Variants in ANKRD44 observed in about 807,000 individuals in gnomAD.
ANKRD44 encodes ankyrin repeat domain 44.
In ANKRD44, 35 loss-of-function variants were observed where a neutral mutation model predicts 116.0. The observed-to-expected ratio is 0.30, with a 90% confidence interval of 0.23 to 0.40. The LOEUF (loss-of-function observed/expected upper bound fraction) is 0.40, where lower values mean the gene tolerates loss of function less well. Among genes scored for constraint, ANKRD44 ranks in the 10% least tolerant of loss-of-function variants. The pLI, the probability that ANKRD44 is intolerant of heterozygous loss-of-function variation, is 1.00. For missense variants in ANKRD44, 1,014 were observed against 1,242.6 expected (o/e 0.82, Z 2.77); for synonymous variants, 435 against 461.8 (o/e 0.94, Z 0.74).
intron 1 of ANKRD44, among the ~76,000 whole-genome samples, chr2:197,218,338 A>T (rs1364136178): frequency 6.6e-6 from 1 of 152,152 alleles, no homozygotes; most frequent in Non-Finnish European, 1.5e-5. Context: ...ACACCCCTCC[A>T]TTCTCCAGGG....
At chr2:196,973,076 C>G (rs1265003128) in intron 21 of ANKRD44, among the ~76,000 whole-genome samples, 1 of 152,174 alleles carries the variant, frequency 6.6e-6, no homozygotes, top group Non-Finnish European at 1.5e-5. Context: ...ATACCCACTA[C>G]CACTGTAGGA....
At chr2:197,146,563 A>G in intron 3 of ANKRD44, among the ~76,000 whole-genome samples, 2 of 151,360 alleles carry the variant, frequency 1.3e-5, no homozygotes, top group African/African-American at 4.9e-5. Flanking sequence ...GCATGTATAT[A>G]TAGAGAGAGA....
rs2075857213 is a variant in ANKRD44, at chr2:196,987,969, GAA to G, written c.*1620_*1621del. 4 of 985,202 alleles carry G rather than the reference GAA, an allele frequency of 4.1e-6. No individual in the cohort carries two copies. The African/African-American group carries it at 7.0e-5, about 17-fold the overall frequency. 61.0% of individuals were successfully genotyped at this position (985,202 alleles called of 1,614,324 possible). On this transcript the variant is annotated 3_prime_UTR_variant, in exon 28 of 28. Transcript: ENST00000282272. ...TTTGCCTTGGGGTATGGGAGAAAGA[GAA>G]AGAGAGGAAGAGAGAGAGAGAGAGA...
At chr2:197,126,254 C>T (rs180902992) in intron 4 of ANKRD44, among the ~76,000 whole-genome samples, 85 of 152,248 alleles carry the variant, frequency 5.6e-4, no homozygotes, top group Middle Eastern at 3.4e-3. Context: ...CCAAGAGCCC[C>T]GGCACATCTC....
chr2:197,182,724 G>C (rs2080541625), intron 2 of ANKRD44, among the ~76,000 whole-genome samples: 1 of 152,168 alleles, frequency 6.6e-6, no homozygotes, highest in Non-Finnish European at 1.5e-5. Flanking sequence ...TGAAAAGTCA[G>C]CCCTCCCTGT....
At chr2:197,227,169 A>AT (rs1384744202) in intron 1 of ANKRD44, among the ~76,000 whole-genome samples, 1 of 152,258 alleles carries the variant, frequency 6.6e-6, no homozygotes, top group Non-Finnish European at 1.5e-5. Flanking sequence ...AAAGGAAATA[A>AT]TAACAACCTC....
At chr2:196,992,448 T>C (rs1311134409) in intron 27 of ANKRD44, among the ~76,000 whole-genome samples, 1 of 152,196 alleles carries the variant, frequency 6.6e-6, no homozygotes, top group Non-Finnish European at 1.5e-5. Flanking sequence ...AACCCAGGGC[T>C]CTTGTTCCTA....
chr2:197,006,599 T>A (rs1325847280), intron 20 of ANKRD44, among the ~76,000 whole-genome samples: 1 of 152,222 alleles, frequency 6.6e-6, no homozygotes, highest in Non-Finnish European at 1.5e-5. Flanking sequence ...AATAACAACT[T>A]CAGAGGACGT....
At chr2:196,975,833 GAAA>G (rs2075756532) in intron 21 of ANKRD44, among the ~76,000 whole-genome samples, 2 of 145,362 alleles carry the variant, frequency 1.4e-5, no homozygotes, top group African/African-American at 2.5e-5. Flanking sequence ...AAGAAAGAAA[GAAA>G]GAAAGAAGGA....
At chr2:197,020,438 C>T (rs1215901699) in intron 17 of ANKRD44, among the ~76,000 whole-genome samples, 3 of 152,206 alleles carry the variant, frequency 2.0e-5, no homozygotes, top group African/African-American at 7.2e-5. Context: ...CTTCCCTGGG[C>T]CACGTTGGAA....
At chr2:197,019,606 A>C (rs1030671576) in intron 17 of ANKRD44, among the ~76,000 whole-genome samples, 2 of 152,180 alleles carry the variant, frequency 1.3e-5, no homozygotes, top group Admixed American at 1.3e-4. Context: ...CCAGAGCCCA[A>C]GCTGTGAGGC....
intron 1 of ANKRD44, among the ~76,000 whole-genome samples, chr2:197,192,520 T>C (rs1468662161): frequency 6.6e-6 from 1 of 152,218 alleles, no homozygotes. Flanking sequence ...GAGTGTGTTA[T>C]CAGTAGCTGA....
At chr2:196,974,889 CAA>C (rs373485155) in intron 21 of ANKRD44, among the ~76,000 whole-genome samples, 2 of 125,114 alleles carry the variant, frequency 1.6e-5, no homozygotes, top group Admixed American at 8.3e-5. Flanking sequence ...GACTCCATCT[CAA>C]AAAAAAAAAG....
intron 1 of ANKRD44, among the ~76,000 whole-genome samples, chr2:197,197,318 C>CA (rs1025002898): frequency 5.3e-5 from 8 of 149,984 alleles, no homozygotes; most frequent in Non-Finnish European, 7.4e-5. Context: ...GGAAATTCTG[C>CA]AAAAAAAAAG....
chr2:197,304,043 C>A (rs983107629), intron 1 of ANKRD44, among the ~76,000 whole-genome samples: 1 of 152,164 alleles, frequency 6.6e-6, no homozygotes, highest in Non-Finnish European at 1.5e-5. Context: ...TGGTGGCTTA[C>A]CCCTGTAATC....
At chr2:197,162,168 C>T (rs530586714) in intron 2 of ANKRD44, among the ~76,000 whole-genome samples, 1 of 152,274 alleles carries the variant, frequency 6.6e-6, no homozygotes, top group Non-Finnish European at 1.5e-5. Context: ...CTCTATAGTC[C>T]TCAAGTCAAT....
At chr2:197,168,219 T>C (rs2080143859) in intron 2 of ANKRD44, among the ~76,000 whole-genome samples, 1 of 152,130 alleles carries the variant, frequency 6.6e-6, no homozygotes, top group Admixed American at 6.6e-5. Flanking sequence ...AGAAAAGCTA[T>C]CCCACTGTGC....
At chr2:197,309,385 C>T (rs1314370616) in intron 1 of ANKRD44, among the ~76,000 whole-genome samples, 1 of 152,112 alleles carries the variant, frequency 6.6e-6, no homozygotes, top group East Asian at 1.9e-4. Flanking sequence ...TCACCAACCC[C>T]GCCAAACACC....
chr2:197,264,239 A>C (rs2082684103), intron 1 of ANKRD44, among the ~76,000 whole-genome samples: 1 of 152,224 alleles, frequency 6.6e-6, no homozygotes, highest in Non-Finnish European at 1.5e-5. Context: ...GTAATAAAAG[A>C]AAACTTTATC....
Sources: allele counts gnomAD v4.1 joint callset (sites outside exome capture counted in the v4.1 genomes callset), GRCh38; gene constraint gnomAD v4.1.1; transcripts MANE v1.5; gene names NCBI Gene and HGNC (gene_info 2026-07-23, HGNC 2026-07-21).